SPIRE1: variants seen among roughly 807,000 people sequenced by gnomAD.
The protein encoded by SPIRE1 is protein spire homolog 1.
SPIRE1 carries 40 observed loss-of-function variants against 94.1 expected under a neutral mutation model. That is an observed-to-expected ratio of 0.43 (90% CI 0.33 to 0.55). The LOEUF (loss-of-function observed/expected upper bound fraction) is 0.55, where lower values mean the gene tolerates loss of function less well. Ranked by LOEUF, SPIRE1 falls within the 20% of genes least tolerant of loss-of-function variation. The pLI is 0.06. For missense variants in SPIRE1, 838 were observed against 975.2 expected (o/e 0.86, Z 1.87); for synonymous variants, 376 against 371.7 (o/e 1.01, Z -0.13).
chr18:12,549,014 C>T (rs1249180305), intron 2 of SPIRE1, among the ~76,000 whole-genome samples: 1 of 152,210 alleles, frequency 6.6e-6, no homozygotes, highest in Non-Finnish European at 1.5e-5. Flanking sequence ...ACAATCCCCA[C>T]TTTGTCCACC....
At chr18:12,544,202 T>C (rs1021556276) in intron 3 of SPIRE1, among the ~76,000 whole-genome samples, 10 of 151,424 alleles carry the variant, frequency 6.6e-5, no homozygotes, top group Non-Finnish European at 1.0e-4. Context: ...TTCTTTCTTT[T>C]TTTTTTTCTT....
At chr18:12,591,159 C>T (rs1291920667) in intron 2 of SPIRE1, among the ~76,000 whole-genome samples, 1 of 152,170 alleles carries the variant, frequency 6.6e-6, no homozygotes, top group Non-Finnish European at 1.5e-5. Context: ...TTTAGTGTAG[C>T]CTTCACATCA....
intron 1 of SPIRE1, among the ~76,000 whole-genome samples, chr18:12,646,834 C>G (rs2038240084): frequency 6.6e-6 from 1 of 151,990 alleles, no homozygotes; most frequent in African/African-American, 2.4e-5. Flanking sequence ...CACTTGAAAT[C>G]TGGAGTTTGA....
chr18:12,524,677 A>G (rs1403225028), intron 4 of SPIRE1, among the ~76,000 whole-genome samples: 1 of 152,178 alleles, frequency 6.6e-6, no homozygotes, highest in African/African-American at 2.4e-5. Context: ...AGAATTACAC[A>G]TTAAAGTAAT....
intron 6 of SPIRE1, among the ~76,000 whole-genome samples, chr18:12,505,493 A>G (rs2033797983): frequency 6.6e-6 from 1 of 151,308 alleles, no homozygotes; most frequent in Non-Finnish European, 1.5e-5. Flanking sequence ...TCGAGGCTAC[A>G]GTAGAGCTGT....
At chr18:12,619,832 C>T (rs1356271755) in intron 2 of SPIRE1, among the ~76,000 whole-genome samples, 3 of 124,070 alleles carry the variant, frequency 2.4e-5, no homozygotes, top group Admixed American at 1.9e-4. Context: ...GGCAACAGAG[C>T]GAGACTCTGC....
At chr18:12,584,393 G>T (rs1179448255) in intron 2 of SPIRE1, among the ~76,000 whole-genome samples, 1 of 151,648 alleles carries the variant, frequency 6.6e-6, no homozygotes, top group Non-Finnish European at 1.5e-5. Flanking sequence ...TAGTACCACT[G>T]CACTCCAGCC....
At chr18:12,525,533 C>A (rs1184114547) in intron 4 of SPIRE1, among the ~76,000 whole-genome samples, 1 of 151,718 alleles carries the variant, frequency 6.6e-6, no homozygotes, top group Non-Finnish European at 1.5e-5. Context: ...TTTTCTCTTG[C>A]TGCTTTTAGA....
At chr18:12,618,874 C>T (rs986644977) in intron 2 of SPIRE1, among the ~76,000 whole-genome samples, 3 of 140,188 alleles carry the variant, frequency 2.1e-5, no homozygotes, top group Non-Finnish European at 3.2e-5. Flanking sequence ...CAGCTCTGAG[C>T]CCCACAAAAA....
At chr18:12,563,337 A>T (rs1344828696) in intron 2 of SPIRE1, among the ~76,000 whole-genome samples, 1 of 149,050 alleles carries the variant, frequency 6.7e-6, no homozygotes, top group Non-Finnish European at 1.5e-5. Flanking sequence ...TTTTTAAGAG[A>T]TGGGGGTCTC....
Position 12,492,129 on chromosome 18 carries a change from T to C in SPIRE1, c.1189+943A>G, listed in dbSNP as rs142154441. On this transcript the variant is annotated intron_variant, in intron 8 of 16. Coordinates refer to ENST00000409402, the MANE Select transcript of SPIRE1 (RefSeq NM_001128626.2). Reference sequence around the variant, plus strand: ...GCAATGTAGACTGTGAGCTGGAAGGTAGTCAGAAACAAAAACCATGGAAGA... The same window carrying C: ...GCAATGTAGACTGTGAGCTGGAAGGCAGTCAGAAACAAAAACCATGGAAGA... 1.3e-3 allele frequency among the ~76,000 whole-genome samples: 194 copies of C among 152,158 alleles called. 1 individual carries two copies. Among genetic ancestry groups the C allele is most frequent in the East Asian group, 5.8e-3 (30 of 5,170 alleles).
intron 5 of SPIRE1, among the ~76,000 whole-genome samples, chr18:12,511,411 T>G (rs995229108): frequency 6.6e-6 from 1 of 152,164 alleles, no homozygotes; most frequent in African/African-American, 2.4e-5. Flanking sequence ...TGTATGCTCC[T>G]TACGAGAATC....
intron 4 of SPIRE1, among the ~76,000 whole-genome samples, chr18:12,525,634 T>C (rs2034498904): frequency 6.6e-6 from 1 of 152,116 alleles, no homozygotes; most frequent in South Asian, 2.1e-4. Context: ...TCAGATCCCA[T>C]GTGTATAGAA....
In SPIRE1 at chr18:12,479,812, A is replaced by T; in HGVS notation, c.1291T>A (p.Leu431Met). The T allele has an allele frequency of 6.2e-7, 1 of 1,614,158 alleles. No homozygotes were observed. The highest frequency in any genetic ancestry group is 8.5e-7 in the Non-Finnish European group (1 of 1,180,018). The change falls in exon 10 of 17, where the codon TTG (leucine) becomes ATG (methionine). Residue 431 changes from leucine to methionine, a missense_variant. Transcript: ENST00000409402. Reference sequence around the variant, plus strand: ...CCGTTTTCTTTTGTTTGTGATGTCAAACCTCCATTCACCATAGATGACTCC... The same window carrying T: ...CCGTTTTCTTTTGTTTGTGATGTCATACCTCCATTCACCATAGATGACTCC... ...LVESSMVNGGLTSQTKENGLS... is the reference protein window; with the variant it reads ...LVESSMVNGGMTSQTKENGLS...
chr18:12,517,559 GTAA>G (rs1256374000), intron 4 of SPIRE1, among the ~76,000 whole-genome samples: 1 of 152,184 alleles, frequency 6.6e-6, no homozygotes, highest in Admixed American at 6.5e-5. Context: ...TTGCAGAAAT[GTAA>G]TAACAGATGT....
At chr18:12,609,846 TGA>T (rs2037089571) in intron 2 of SPIRE1, among the ~76,000 whole-genome samples, 1 of 151,638 alleles carries the variant, frequency 6.6e-6, no homozygotes, top group South Asian at 2.1e-4. Context: ...CCCCACCTCT[TGA>T]GAGGCTTCCG....
chr18:12,635,753 G>A (rs11664404), intron 1 of SPIRE1, among the ~76,000 whole-genome samples: 85,104 of 151,952 alleles, frequency 0.56, 25,002 homozygotes, highest in Middle Eastern at 0.76. Flanking sequence ...TGTCAATGTC[G>A]CTGACAAAAA....
Position 12,485,980 on chromosome 18 carries a change from A to G in SPIRE1, c.1210T>C (p.Ser404Pro). ...TTACCTGACAAGTCAAAACTGTAAG[A>G]CATGCTAAGTGGCCGCATTGCTGAA... ...SRLAMRPLSM[S>P]YSFDLSDVTT... Residue 404 changes from serine to proline, a missense_variant, in exon 9 of 17, where the codon TCT becomes CCT. This residue lies in a region of SPIRE1 where 645 missense variants were observed against 804.7 expected (regional missense o/e 0.80). Transcript: ENST00000409402. 1 of 1,523,806 alleles carries G rather than the reference A, an allele frequency of 6.6e-7. No individual in the cohort carries two copies. Among genetic ancestry groups the G allele is most frequent in the Middle Eastern group, 1.7e-4 (1 of 5,732 alleles). The allele number at this position is 1,523,806 out of a possible 1,614,324, so 94.4% of individuals were successfully genotyped here. A position where few individuals can be genotyped will look rare whatever the true frequency, so the allele number is the denominator to read the frequency against.
Position 12,449,707 on chromosome 18 carries a change from C to T in SPIRE1, c.2202G>A (p.Gln734=). 1 of 1,614,132 alleles carries T rather than the reference C, an allele frequency of 6.2e-7. No individual in the cohort carries two copies. The change falls in exon 17 of 17, where the codon CAG becomes CAA. Residue 734 remains glutamine, a synonymous_variant. Transcript: ENST00000409402. ...NKRARLKRKT[Q]SFYMSSPGPS... The stretch of plus-strand genomic sequence containing the variant: ...GGCCTGGCGAGGACATGTAGAAAGA[C>T]TGCGTTTTCCTTTTCAATCGGGCCC...
Sources: allele counts gnomAD v4.1 joint callset (sites outside exome capture counted in the v4.1 genomes callset), GRCh38; gene constraint gnomAD v4.1.1; regional missense constraint gnomAD v4.1.1; transcripts MANE v1.5; gene names NCBI Gene and HGNC (gene_info 2026-07-23, HGNC 2026-07-21).